The following ZMYND15 variants were observed in gnomAD, a reference collection of about 807,000 sequenced individuals.
ZMYND15 encodes the protein zinc finger MYND domain-containing protein 15.
Under a neutral mutation model 81.7 loss-of-function variants are expected in ZMYND15, and 54 were observed. The ratio of observed to expected loss-of-function variants is 0.66; its 90% CI spans 0.53 to 0.83. The LOEUF (loss-of-function observed/expected upper bound fraction) is 0.83, where lower values mean the gene tolerates loss of function less well. Ranked by LOEUF, ZMYND15 falls within the 40% of genes least tolerant of loss-of-function variation. The pLI is 0.00. For missense variants in ZMYND15, 925 were observed against 973.5 expected (o/e 0.95, Z 0.66); for synonymous variants, 399 against 387.0 (o/e 1.03, Z -0.36).
intron 2 of ZMYND15, 54 bp downstream of exon 2, chr17:4,741,194 G>C: frequency 7.2e-7 from 1 of 1,393,340 alleles, no homozygotes; most frequent in Non-Finnish European, 9.3e-7. Context: ...TCCTCCCTTC[G>C]GAAGCCCTCC....
At position 4,744,118 on chromosome 17, in the gene ZMYND15, C is replaced by G. The variant is rs374240290; in HGVS notation, c.1495+11C>G. The G allele has an allele frequency of 1.9e-6, 3 of 1,605,978 alleles. No homozygotes were observed. In the South Asian group the frequency reaches 3.3e-5, roughly 18 times the overall value. ...TGGTGCCCCAGTCCTGTAAGGAGAG[C>G]GGAGTGGGGGGTGGAGCAGGATGGG... On this transcript the variant is annotated intron_variant, in intron 8 of 13. Coordinates refer to ENST00000433935, the MANE Select transcript of ZMYND15 (RefSeq NM_001136046.3). The surrounding 1 kb of genome is among the most constrained non-coding windows in gnomAD (Gnocchi z 4.1).
In ZMYND15 at chr17:4,744,900, C is replaced by T. The variant is rs776323244; in HGVS notation, c.1868C>T (p.Thr623Met). 56 of 1,614,000 alleles carry T rather than the reference C, an allele frequency of 3.5e-5. No homozygotes were observed. The highest frequency in any genetic ancestry group is 4.3e-5 in the Non-Finnish European group (51 of 1,180,028). ...AACTCCGGGTTTGCTCTCAAGGATA[C>T]GTGGCTGAGGTCTCTGCCCCGGTTA... ...GFNSGFALKD[T>M]WLRSLPRLQS... The change falls in exon 12 of 14, where the codon ACG (threonine) becomes ATG (methionine). Residue 623 changes from threonine to methionine, a missense_variant. Transcript: ENST00000433935. This position sits in a 1 kb window ranked among gnomAD's most constrained non-coding sequence, Gnocchi z 4.1.
Position 4,744,038 on chromosome 17 carries a change from C to A in ZMYND15, c.1426C>A (p.Pro476Thr). The A allele has an allele frequency of 6.4e-7, 1 of 1,553,824 alleles. No individual in the cohort carries two copies. The highest frequency in any genetic ancestry group is 8.7e-7 in the Non-Finnish European group (1 of 1,147,850). Residue 476 changes from proline (P) to threonine (T), a missense_variant, in exon 8 of 14, where the codon CCC becomes ACC. Pro to Thr is a conservative substitution (Grantham distance 38). Transcript: ENST00000433935. The surrounding 1 kb of genome is among the most constrained non-coding windows in gnomAD (Gnocchi z 4.1). ...YTWRGLSLDS[P>T]IAVLLTYPLT... is the part of the protein sequence containing the mutation. ...ATGGCGGGGCCTCAGCTTGGACTCC[C>A]CCATAGCCGTGCTTCTCACCTACCC... is the stretch of plus-strand genomic sequence containing the variant.
Position 4,744,612 on chromosome 17 carries a change from T to C in ZMYND15, c.1684-13T>C. 2 of 1,607,488 alleles carry C rather than the reference T, an allele frequency of 1.2e-6. No homozygotes were observed. The highest frequency in any genetic ancestry group is 8.5e-7 in the Non-Finnish European group (1 of 1,177,254). On this transcript the variant is annotated splice_polypyrimidine_tract_variant and intron_variant, in intron 10 of 13. Coordinates refer to ENST00000433935, the MANE Select transcript of ZMYND15 (RefSeq NM_001136046.3). The surrounding 1 kb of genome is among the most constrained non-coding windows in gnomAD (Gnocchi z 4.1). ...TCCAGTGGCTTTTCCACCCCACTCC[T>C]GGGGCCCCTCAGGACAGCCTGGAGG...
rs759700621 is a variant in ZMYND15 at position 4,741,991 on chromosome 17, G to A, written c.904G>A (p.Gly302Ser). The change falls in exon 4 of 14, where the codon GGC becomes AGC. Residue 302 changes from glycine to serine, a missense_variant. By Grantham distance (56) the Gly-to-Ser change is moderately conservative (BLOSUM62 0). Transcript: ENST00000433935. ...AATGCGGACATGGGGTCCCCGGCCA[G>A]GCTTCACCTTTGCTTCCCTTCGTGC... ...TPMRTWGPRPGFTFASLRART... is the reference protein window; with the variant it reads ...TPMRTWGPRPSFTFASLRART... The A allele has an allele frequency of 3.1e-6, 5 of 1,614,220 alleles. No individual in the cohort carries two copies. The South Asian group carries it at 4.4e-5, about 14-fold the overall frequency.
intron 2 of ZMYND15, among the ~76,000 whole-genome samples, 171 bp from the exon 3 acceptor site, chr17:4,741,411 C>T (rs1196718757): frequency 6.6e-6 from 1 of 152,132 alleles, no homozygotes; most frequent in Non-Finnish European, 1.5e-5. Context: ...GCATTCTGGT[C>T]CTCTGTAGCA....
chr17:4,740,997 C>G lies in ZMYND15; in HGVS notation c.449C>G (p.Thr150Ser). The G allele has an allele frequency of 6.4e-7, 1 of 1,557,668 alleles. No homozygotes were observed. Among genetic ancestry groups the G allele is most frequent in the Non-Finnish European group, 8.7e-7 (1 of 1,150,084 alleles). ...GAGGAGGACCGGGAGCTAGCCCCTA[C>G]CAGCAGGGAGTCCCCCCAGGAAACA... ...EPEEDRELAPTSRESPQETNP... is the reference protein window; with the variant it reads ...EPEEDRELAPSSRESPQETNP... The change falls in exon 2 of 14, where the codon ACC becomes AGC. Residue 150 changes from threonine to serine, a missense_variant. Physicochemically the swap from Thr to Ser is moderately conservative, Grantham distance 58. Coordinates refer to ENST00000433935, the MANE Select transcript of ZMYND15 (RefSeq NM_001136046.3).
chr17:4,741,199 C>T, intron 2 of ZMYND15, 59 bp downstream of exon 2: 1 of 1,379,574 alleles, frequency 7.2e-7, no homozygotes, highest in Non-Finnish European at 9.4e-7. Flanking sequence ...CCTTCGGAAG[C>T]CCTCCCCTGC....
chr17:4,740,875 A>AGAGGATGGG lies in ZMYND15; in HGVS notation c.333_341dup (p.Asp111_Glu113dup). On this transcript the variant is annotated inframe_insertion, in exon 2 of 14. Transcript: ENST00000433935. ...GCCCCTACATCAGCTTTGTCAGCCT[A>AGAGGATGGG]GAGGATGGGGAGGAAGGGGAGGAGG... 6.3e-7 allele frequency: 1 copy of AGAGGATGGG among 1,577,990 alleles called. No homozygotes were observed. The highest frequency in any genetic ancestry group is 8.6e-7 in the Non-Finnish European group (1 of 1,160,292).
Position 4,741,745 on chromosome 17 carries a change from G to C in ZMYND15, c.756G>C (p.Met252Ile), listed in dbSNP as rs142243980. 34 of 1,605,552 alleles carry C rather than the reference G, an allele frequency of 2.1e-5. No individual in the cohort carries two copies. Among genetic ancestry groups the C allele is most frequent in the Non-Finnish European group, 2.5e-5 (29 of 1,174,762 alleles). Residue 252 changes from methionine (M) to isoleucine (I), a missense_variant, in exon 3 of 14, where the codon ATG becomes ATC. Physicochemically the swap from Met to Ile is conservative, Grantham distance 10. Coordinates refer to ENST00000433935, the MANE Select transcript of ZMYND15 (RefSeq NM_001136046.3). ...CCTATGCTCTCCTCTGTCACAGCATGGCCTGTCCCATGGGCTCTGGGGATC... is the reference window on the plus strand; with the variant it reads ...CCTATGCTCTCCTCTGTCACAGCATCGCCTGTCCCATGGGCTCTGGGGATC... Reference protein sequence around the residue: ...PWAYALLCHSMACPMGSGDPR... With the variant: ...PWAYALLCHSIACPMGSGDPR...
At position 4,745,823 on chromosome 17, in the gene ZMYND15, T is replaced by A. The variant is rs2150633094; in HGVS notation, c.2062T>A (p.Cys688Ser). The A allele has an allele frequency of 6.3e-7, 1 of 1,598,236 alleles. No individual in the cohort carries two copies. The highest frequency in any genetic ancestry group is 8.5e-7 in the Non-Finnish European group (1 of 1,174,222). The change falls in exon 14 of 14, where the codon TGC becomes AGC. Residue 688 changes from cysteine to serine, a missense_variant. Physicochemically the swap from Cys to Ser is moderately radical, Grantham distance 112. Coordinates refer to ENST00000433935, the MANE Select transcript of ZMYND15 (RefSeq NM_001136046.3). This position sits in a 1 kb window ranked among gnomAD's most constrained non-coding sequence, Gnocchi z 5.2. ...RAADNCMSWY[C>S]NAFIFHLVYK... ...CTGCGCCCCGCGCCCCCGCAGGTAC[T>A]GCAATGCCTTCATCTTCCACCTGGT...
At chr17:4,741,241 T>G in intron 2 of ZMYND15, 101 bp downstream of exon 2, 1 of 1,300,360 alleles carries the variant, frequency 7.7e-7, no homozygotes, top group Non-Finnish European at 1.0e-6. Flanking sequence ...TTCAGGCCAA[T>G]CTGGCCTGAA....
In ZMYND15 at chr17:4,741,011, C is replaced by T. The variant is rs1389999174; in HGVS notation, c.463C>T (p.Pro155Ser). The T allele has an allele frequency of 3.9e-6, 6 of 1,554,320 alleles. No homozygotes were observed. The East Asian group carries it at 7.3e-5, about 19-fold the overall frequency. ...GCTAGCCCCTACCAGCAGGGAGTCCCCCCAGGAAACAAACCCTCCAGGAGA... is the reference window on the plus strand; with the variant it reads ...GCTAGCCCCTACCAGCAGGGAGTCCTCCCAGGAAACAAACCCTCCAGGAGA... ...RELAPTSRES[P>S]QETNPPGESE... Residue 155 changes from proline to serine, a missense_variant, in exon 2 of 14, where the codon CCC (proline) becomes TCC (serine). Coordinates refer to ENST00000433935, the MANE Select transcript of ZMYND15 (RefSeq NM_001136046.3).
At position 4,744,428 on chromosome 17, in the gene ZMYND15, G is replaced by GC. The variant is rs1484755918; in HGVS notation, c.1650dup (p.Glu551ArgfsTer33). 5.0e-6 allele frequency: 8 copies of GC among 1,614,082 alleles called. No individual in the cohort carries two copies. Among genetic ancestry groups the GC allele is most frequent in the Non-Finnish European group, 6.8e-6 (8 of 1,179,992 alleles). On this transcript the variant is annotated frameshift_variant, in exon 10 of 14. Coordinates refer to ENST00000433935, the MANE Select transcript of ZMYND15 (RefSeq NM_001136046.3). LOFTEE classifies it high-confidence loss of function. This position sits in a 1 kb window ranked among gnomAD's most constrained non-coding sequence, Gnocchi z 4.1. Reference sequence around the variant, plus strand: ...AGCTGCAGTTTGTAGGTGATGGCCTGCCCCCCGAAAGCGACGAGCAGCATT... The same window carrying GC: ...AGCTGCAGTTTGTAGGTGATGGCCTGCCCCCCCGAAAGCGACGAGCAGCATT...
rs576066476 is a variant in ZMYND15 at position 4,740,248 on chromosome 17, G to A, written c.-31+198G>A. ...GCCTTAATTTAAACTCTGCTTTTGA[G>A]GGTGTGAACTCTCCAATTTTAAGCC... On this transcript the variant is annotated intron_variant, in intron 1 of 13. Transcript: ENST00000433935. 1.2e-5 allele frequency: 7 copies of A among 570,372 alleles called. No homozygotes were observed. In the East Asian group the frequency reaches 4.0e-4, roughly 33 times the overall value. The allele number at this position is 570,372 out of a possible 1,614,324, so 35.3% of individuals were successfully genotyped here.
rs1196070799 is a variant in ZMYND15, at chr17:4,745,871, GGGGCCCGCCCGGCGCCC to G, written c.2117_2133del (p.Arg706ProfsTer64). On this transcript the variant is annotated frameshift_variant, in exon 14 of 14. Coordinates refer to ENST00000433935, the MANE Select transcript of ZMYND15 (RefSeq NM_001136046.3). LOFTEE classifies it high-confidence loss of function. The surrounding 1 kb of genome is among the most constrained non-coding windows in gnomAD (Gnocchi z 5.2). ...GGTTTACAAGCCTGCTCAAGGGAGC[GGGGCCCGCCCGGCGCCC>G]GGGCCCCCACCCCCATCCCCAACTC... 1 of 1,586,108 alleles carries G rather than the reference GGGGCCCGCCCGGCGCCC, an allele frequency of 6.3e-7. No individual in the cohort carries two copies. Among genetic ancestry groups the G allele is most frequent in the Admixed American group, 1.8e-5 (1 of 56,628 alleles).
At chr17:4,741,856 C>T (rs971530771) in intron 3 of ZMYND15, 40 bp downstream of exon 3, 1 of 1,587,276 alleles carries the variant, frequency 6.3e-7, no homozygotes. Context: ...AGGACTCGGG[C>T]CCTGGATTCC....
chr17:4,743,639 C>A lies in ZMYND15; in HGVS notation c.1298-128C>A, dbSNP rs779862027. 32 of 1,271,290 alleles carry A rather than the reference C, an allele frequency of 2.5e-5. No homozygotes were observed. The highest frequency in any genetic ancestry group is 3.5e-5 in the Non-Finnish European group (32 of 926,680). 78.8% of individuals were successfully genotyped at this position (1,271,290 alleles called of 1,614,324 possible). The stretch of plus-strand genomic sequence containing the variant: ...TACCAACTCCACCCAGAAACCCCAT[C>A]CCTATGCAAACCCCCATTCCTCTTA... On this transcript the variant is annotated intron_variant, in intron 6 of 13. Coordinates refer to ENST00000433935, the MANE Select transcript of ZMYND15 (RefSeq NM_001136046.3). The surrounding 1 kb of genome is among the most constrained non-coding windows in gnomAD (Gnocchi z 4.3).
Position 4,745,944 on chromosome 17 carries a change from G to A in ZMYND15, c.2183G>A (p.Arg728His). The change falls in exon 14 of 14, where the codon CGC (arginine) becomes CAC (histidine). Residue 728 changes from arginine (R) to histidine (H), a missense_variant. Coordinates refer to ENST00000433935, the MANE Select transcript of ZMYND15 (RefSeq NM_001136046.3). The surrounding 1 kb of genome is among the most constrained non-coding windows in gnomAD (Gnocchi z 5.2). The part of the protein sequence containing the change: ...PSAPPAPTRR[R>H]RGEKKPGRGA... ...GCTCCTCCTGCCCCCACCCGAAGGC[G>A]CCGAGGAGAAAAGAAACCTGGGCGG... 1.4e-6 allele frequency: 2 copies of A among 1,471,698 alleles called. No individual in the cohort carries two copies. The highest frequency in any genetic ancestry group is 1.8e-6 in the Non-Finnish European group (2 of 1,116,156). The allele number at this position is 1,471,698 out of a possible 1,614,324, so 91.2% of individuals were successfully genotyped here.
Sources: allele counts gnomAD v4.1 joint callset (sites outside exome capture counted in the v4.1 genomes callset), GRCh38; gene constraint gnomAD v4.1.1; non-coding constraint Gnocchi (gnomAD v3.1); transcripts MANE v1.5; gene names NCBI Gene and HGNC (gene_info 2026-07-23, HGNC 2026-07-21).